Variants in PPFIBP1 observed in about 807,000 individuals in gnomAD.
PPFIBP1 encodes PPFIB scaffold protein 1, also known as liprin-beta-1.
PPFIBP1 carries 112 observed loss-of-function variants against 137.8 expected under a neutral mutation model. The observed-to-expected ratio is 0.81, with a 90% CI of 0.70 to 0.95. The LOEUF is 0.95. PPFIBP1 is among the 40% of genes least tolerant of loss of function. The pLI, the probability that PPFIBP1 is intolerant of heterozygous loss-of-function variation, is 0.00. For missense variants in PPFIBP1, 1,083 were observed against 1,196.6 expected, an observed-to-expected ratio of 0.91 and a Z score of 1.40; for synonymous variants, 378 against 417.3, an observed-to-expected ratio of 0.91 and a Z score of 1.15.
chr12:27,689,190 C>T lies in PPFIBP1; in HGVS notation c.2672C>T (p.Thr891Ile). The T allele has an allele frequency of 1.9e-6, 3 of 1,567,760 alleles. No individual in the cohort carries two copies. Among genetic ancestry groups the T allele is most frequent in the Non-Finnish European group, 2.6e-6 (3 of 1,163,670 alleles). Residue 891 changes from threonine to isoleucine, a missense_variant, in exon 27 of 30, where the codon ACT becomes ATT. Thr to Ile is a moderately conservative substitution (Grantham distance 89). Coordinates refer to ENST00000228425, the MANE Select transcript of PPFIBP1 (RefSeq NM_003622.4). Reference protein sequence around the residue: ...ELPDYVLLTATAKVKPKKLAF... With the variant: ...ELPDYVLLTAIAKVKPKKLAF... ...CCGGATTATGTACTTCTAACAGCTACTGCCAAAGTGAAGGTTGGTTCAGGC... is the reference window on the plus strand; with the variant it reads ...CCGGATTATGTACTTCTAACAGCTATTGCCAAAGTGAAGGTTGGTTCAGGC...
At chr12:27,639,494 G>A (rs1378402108) in intron 4 of PPFIBP1, among the ~76,000 whole-genome samples, 1 of 152,142 alleles carries the variant, frequency 6.6e-6, no homozygotes, top group Non-Finnish European at 1.5e-5. Flanking sequence ...GTCAACAGAG[G>A]ATCAGGTGGT....
At chr12:27,564,818 C>A (rs1224603221) in intron 1 of PPFIBP1, among the ~76,000 whole-genome samples, 1 of 152,168 alleles carries the variant, frequency 6.6e-6, no homozygotes, top group Non-Finnish European at 1.5e-5. Flanking sequence ...TCCCAGGCCG[C>A]CAGCCCCTTT....
chr12:27,586,574 A>T (rs117681619), intron 2 of PPFIBP1, among the ~76,000 whole-genome samples: 1 of 152,212 alleles, frequency 6.6e-6, no homozygotes, highest in East Asian at 1.9e-4. Context: ...GTGTACGCCT[A>T]TAGTCCCAGC....
rs569585328 is a variant in PPFIBP1 at position 27,565,961 on chromosome 12, C to A, written c.-123-12191C>A. The stretch of plus-strand genomic sequence containing the variant: ...TACCCTTAATTATAAGTTATTTTTT[C>A]CTGGTTTTTCCTAGTATTTCATCTG... On this transcript the variant is annotated intron_variant, in intron 1 of 29. Transcript: ENST00000228425. Among the ~76,000 whole-genome samples the A allele has an allele frequency of 8.6e-5, 13 of 151,806 alleles. No homozygotes were observed. In the East Asian group the frequency reaches 2.5e-3, roughly 29 times the overall value.
rs972676367 is a variant in PPFIBP1 at position 27,577,469 on chromosome 12, C to T, written c.-123-683C>T. The stretch of plus-strand genomic sequence containing the variant: ...TTAACTTGGAGACACCTTGCTTTCT[C>T]CTTTGGATGCAGTTAGTTCTGAAGT... On this transcript the variant is annotated intron_variant, in intron 1 of 29. Transcript: ENST00000228425. 1.1e-4 allele frequency among the ~76,000 whole-genome samples: 16 copies of T among 152,278 alleles called. 1 individual carries two copies. The highest frequency in any genetic ancestry group is 2.9e-4 in the African/African-American group (12 of 41,554).
rs1016450992 is a variant in PPFIBP1 at position 27,693,687 on chromosome 12, G to C, written c.*805G>C. The C allele has an allele frequency of 6.6e-6, 1 of 152,004 alleles. No individual in the cohort carries two copies. The highest frequency in any genetic ancestry group is 2.4e-5 in the African/African-American group (1 of 41,394). 9.4% of individuals were successfully genotyped at this position (152,004 alleles called of 1,614,324 possible). On this transcript the variant is annotated 3_prime_UTR_variant, in exon 30 of 30. Transcript: ENST00000228425. ...ATATGGAAGAACTTGAGGGACATTA[G>C]TATACTTTTTTTTAAGATGGAGTCT...
intron 2 of PPFIBP1, among the ~76,000 whole-genome samples, chr12:27,615,042 C>G (rs750529870): frequency 2.6e-5 from 4 of 152,300 alleles, no homozygotes; most frequent in Middle Eastern, 3.4e-3. Context: ...GATCCAGCCA[C>G]AGAAAACTAT....
intron 7 of PPFIBP1, among the ~76,000 whole-genome samples, chr12:27,653,495 G>A (rs557490551): frequency 5.1e-4 from 75 of 148,086 alleles, no homozygotes; most frequent in African/African-American, 1.8e-3. Flanking sequence ...GCTGATGCAA[G>A]AGAATCACTT....
chr12:27,592,182 G>A (rs1369320122), intron 2 of PPFIBP1, among the ~76,000 whole-genome samples: 1 of 152,208 alleles, frequency 6.6e-6, no homozygotes, highest in Non-Finnish European at 1.5e-5. Flanking sequence ...AGAGGCTCAG[G>A]TTGGAATTGG....
In PPFIBP1 at chr12:27,691,941, CTG is replaced by C. The variant is rs747098499; in HGVS notation, c.2865+15_2865+16del. ...CCGGTTAGAGCAGGTAAATCCAACA[CTG>C]TATAACTTTTTGCGAGTTCTTCCAT... On this transcript the variant is annotated intron_variant, in intron 28 of 29. Coordinates refer to ENST00000228425, the MANE Select transcript of PPFIBP1 (RefSeq NM_003622.4). 2 of 1,575,592 alleles carry C rather than the reference CTG, an allele frequency of 1.3e-6. No individual in the cohort carries two copies. Among genetic ancestry groups the C allele is most frequent in the South Asian group, 2.4e-5 (2 of 84,562 alleles).
At chr12:27,568,491 C>T (rs908170709) in intron 1 of PPFIBP1, among the ~76,000 whole-genome samples, 6 of 152,190 alleles carry the variant, frequency 3.9e-5, no homozygotes, top group Non-Finnish European at 8.8e-5. Flanking sequence ...CATTCAGCTT[C>T]CAACTGTGTA....
At chr12:27,566,666 GCTCT>G (rs2049705167) in intron 1 of PPFIBP1, among the ~76,000 whole-genome samples, 1 of 152,186 alleles carries the variant, frequency 6.6e-6, no homozygotes, top group Admixed American at 6.5e-5. Context: ...TGTTTGCTAA[GCTCT>G]CTATGTGAAT....
intron 4 of PPFIBP1, among the ~76,000 whole-genome samples, chr12:27,641,946 AAAATAAAT>A (rs55663709): frequency 4.8e-4 from 71 of 147,898 alleles, no homozygotes; most frequent in Non-Finnish European, 4.6e-4. Context: ...TGCAACTGCA[AAAATAAAT>A]AAATAAATAA....
intron 2 of PPFIBP1, among the ~76,000 whole-genome samples, chr12:27,591,946 G>A (rs898733908): frequency 3.9e-5 from 6 of 152,224 alleles, no homozygotes; most frequent in African/African-American, 9.6e-5. Context: ...TCCTGCCACC[G>A]CAGGAATGTG....
At chr12:27,565,009 C>T (rs2049521830) in intron 1 of PPFIBP1, among the ~76,000 whole-genome samples, 2 of 152,198 alleles carry the variant, frequency 1.3e-5, no homozygotes, top group Admixed American at 6.5e-5. Flanking sequence ...AATTAATAGA[C>T]AGCAGTCCTT....
intron 1 of PPFIBP1, among the ~76,000 whole-genome samples, chr12:27,546,755 G>A (rs1304894456): frequency 6.6e-6 from 1 of 152,170 alleles, no homozygotes; most frequent in Non-Finnish European, 1.5e-5. Flanking sequence ...GTTCATGCCT[G>A]TAATCCCAGC....
intron 12 of PPFIBP1, 119 bp downstream of exon 12, chr12:27,664,565 T>A: frequency 1.4e-6 from 1 of 698,834 alleles, no homozygotes; most frequent in Non-Finnish European, 2.5e-6. Flanking sequence ...AGGTAGCTAA[T>A]TCGTTAATTG....
At chr12:27,595,184 G>T (rs1425386896) in intron 2 of PPFIBP1, among the ~76,000 whole-genome samples, 1 of 152,228 alleles carries the variant, frequency 6.6e-6, no homozygotes, top group East Asian at 1.9e-4. Flanking sequence ...TTTTAGTCCA[G>T]CTTTTTCTGT....
chr12:27,682,582 G>C, intron 23 of PPFIBP1, 33 bp from the exon 24 acceptor site: 1 of 1,612,234 alleles, frequency 6.2e-7, no homozygotes. Context: ...GATGTTTTGT[G>C]GCATGGTAGC....
Sources: gnomAD v4.1 joint callset for allele counts (sites outside exome capture counted in the v4.1 genomes callset) on GRCh38, gnomAD v4.1.1 for gene constraint, MANE v1.5 for transcripts, NCBI Gene and HGNC (gene_info 2026-07-23, HGNC 2026-07-21) for gene names.